Variants in KAZN observed in about 807,000 individuals in gnomAD.
The protein encoded by KAZN is kazrin.
KAZN carries 40 observed loss-of-function variants against 87.4 expected under a neutral mutation model. The ratio of observed to expected loss-of-function variants is 0.46; its 90% CI spans 0.36 to 0.60. The LOEUF is 0.60. KAZN is among the 20% of genes least tolerant of loss of function. The pLI is 0.00. For missense variants in KAZN, 898 were observed against 1,073.9 expected (o/e 0.84, Z 2.29); for synonymous variants, 466 against 458.3 (o/e 1.02, Z -0.22).
At chr1:14,314,563 G>C (rs1655522570) in intron 2 of KAZN, among the ~76,000 whole-genome samples, 1 of 152,208 alleles carries the variant, frequency 6.6e-6, no homozygotes, top group South Asian at 2.1e-4. Flanking sequence ...CCATTCGTGA[G>C]GCTTCTTTCC....
chr1:14,491,839 T>C (rs1669665433), intron 2 of KAZN, among the ~76,000 whole-genome samples: 1 of 152,168 alleles, frequency 6.6e-6, no homozygotes, highest in African/African-American at 2.4e-5. Flanking sequence ...TGAATTCTAC[T>C]TTGTCTGAAA....
intron 1 of KAZN, among the ~76,000 whole-genome samples, chr1:14,898,329 A>C (rs1655482939): frequency 1.3e-5 from 2 of 152,308 alleles, no homozygotes; most frequent in South Asian, 4.1e-4. Context: ...AGAACTGTCA[A>C]ACTCTGGAAC....
At chr1:14,069,807 C>G (rs1643168845) in intron 1 of KAZN, among the ~76,000 whole-genome samples, 1 of 152,164 alleles carries the variant, frequency 6.6e-6, no homozygotes, top group Admixed American at 6.5e-5. Context: ...CAAGACAAGG[C>G]CATCCTAGGA....
intron 2 of KAZN, among the ~76,000 whole-genome samples, chr1:14,494,424 C>A (rs571040349): frequency 1.2e-4 from 18 of 152,228 alleles, no homozygotes; most frequent in Admixed American, 2.6e-4. Context: ...ATTTGGGTCC[C>A]TCCACCCCCA....
chr1:14,748,331 T>C (rs769625633), intron 1 of KAZN, among the ~76,000 whole-genome samples: 16 of 152,202 alleles, frequency 1.1e-4, no homozygotes, highest in Non-Finnish European at 2.2e-4. Context: ...ACTTAGCTCA[T>C]TCATTGGCGT....
chr1:14,131,869 A>AT (rs552566708), intron 1 of KAZN, among the ~76,000 whole-genome samples: 9 of 151,816 alleles, frequency 5.9e-5, no homozygotes, highest in Non-Finnish European at 1.0e-4. Context: ...ATTCAGACTC[A>AT]TTTTTTTATG....
At chr1:14,378,380 T>A (rs1467107806) in intron 2 of KAZN, among the ~76,000 whole-genome samples, 1 of 152,090 alleles carries the variant, frequency 6.6e-6, no homozygotes, top group Non-Finnish European at 1.5e-5. Flanking sequence ...ATCCCCCAAT[T>A]TAACAACTAT....
chr1:14,904,367 G>A (rs1656268501), intron 1 of KAZN, among the ~76,000 whole-genome samples: 1 of 151,594 alleles, frequency 6.6e-6, no homozygotes. Context: ...TGAATTAGAG[G>A]AGACCAACGC....
intron 2 of KAZN, among the ~76,000 whole-genome samples, chr1:15,031,611 G>T (rs200485568): frequency 2.0e-5 from 2 of 102,242 alleles, no homozygotes; most frequent in African/African-American, 6.6e-5. Flanking sequence ...GTTTGCTTTG[G>T]TTTGGTTTTA....
intron 2 of KAZN, among the ~76,000 whole-genome samples, chr1:14,419,790 T>C (rs1428398373): frequency 1.3e-5 from 2 of 151,940 alleles, no homozygotes; most frequent in African/African-American, 4.8e-5. Flanking sequence ...CATCCGGAGT[T>C]GTTCATTCCT....
intron 1 of KAZN, among the ~76,000 whole-genome samples, chr1:14,892,060 TGTG>T (rs1490685398): frequency 1.3e-5 from 2 of 152,096 alleles, no homozygotes; most frequent in Admixed American, 6.5e-5. Context: ...TGGCCTCTGG[TGTG>T]GTGCAGACCC....
chr1:14,561,193 ACAGCTCATGGCTGAAT>A (rs1468121715), intron 2 of KAZN, among the ~76,000 whole-genome samples: 3 of 152,190 alleles, frequency 2.0e-5, no homozygotes, highest in African/African-American at 4.8e-5. Flanking sequence ...ACTGACCCAA[ACAGCTCATGGCTGAAT>A]CAGCTCATGG....
At chr1:14,321,584 A>G (rs1656052976) in intron 2 of KAZN, among the ~76,000 whole-genome samples, 1 of 152,210 alleles carries the variant, frequency 6.6e-6, no homozygotes, top group African/African-American at 2.4e-5. Context: ...AGGCAGCCCT[A>G]GCCAGCTGTG....
intron 8 of KAZN, among the ~76,000 whole-genome samples, chr1:15,089,896 T>A (rs1640454320): frequency 6.6e-6 from 1 of 152,178 alleles, no homozygotes; most frequent in African/African-American, 2.4e-5. Context: ...CCTGAATTGC[T>A]GCAGTCCTGA....
At chr1:15,068,914 C>A (rs1639386390) in intron 8 of KAZN, among the ~76,000 whole-genome samples, 1 of 152,036 alleles carries the variant, frequency 6.6e-6, no homozygotes, top group Admixed American at 6.5e-5. Flanking sequence ...GAAAATGAGC[C>A]CCCAGTGAGG....
intron 2 of KAZN, among the ~76,000 whole-genome samples, chr1:14,356,051 G>A (rs1658996455): frequency 6.6e-6 from 1 of 152,210 alleles, no homozygotes; most frequent in African/African-American, 2.4e-5. Context: ...CACCAATGGT[G>A]TAAAAGTGTT....
intron 1 of KAZN, among the ~76,000 whole-genome samples, chr1:14,860,348 T>C (rs3845595): frequency 0.47 from 71,443 of 151,858 alleles, 18,487 homozygotes; most frequent in African/African-American, 0.68. Context: ...TGCACCACCA[T>C]GCCCAGCTAA....
intron 1 of KAZN, among the ~76,000 whole-genome samples, chr1:14,648,384 A>G (rs1361022633): frequency 6.6e-6 from 1 of 152,260 alleles, no homozygotes; most frequent in Non-Finnish European, 1.5e-5. Flanking sequence ...AATGAGAAAC[A>G]TTTGAAAACA....
chr1:15,064,808 G>A (rs1038893160), intron 7 of KAZN, among the ~76,000 whole-genome samples: 1 of 152,174 alleles, frequency 6.6e-6, no homozygotes, highest in Non-Finnish European at 1.5e-5. Context: ...CGGCAGACAG[G>A]GCCTGTGGCC....
Sources: gnomAD v4.1 joint callset for allele counts (sites outside exome capture counted in the v4.1 genomes callset) on GRCh38, gnomAD v4.1.1 for gene constraint, MANE v1.5 for transcripts, NCBI Gene and HGNC (gene_info 2026-07-23, HGNC 2026-07-21) for gene names.